The following MAGI1 variants were observed in gnomAD, a reference collection of about 807,000 sequenced individuals.
MAGI1 encodes the protein membrane-associated guanylate kinase, WW and PDZ domain-containing protein 1.
In MAGI1, 58 loss-of-function variants were observed where a neutral mutation model predicts 139.9. The ratio of observed to expected loss-of-function variants is 0.41; its 90% CI spans 0.34 to 0.52. The LOEUF (loss-of-function observed/expected upper bound fraction) is 0.52. Ranked by LOEUF, MAGI1 falls within the 20% of genes least tolerant of loss-of-function variation. The probability of loss-of-function intolerance (pLI) is 0.12; values close to 1 mark genes in which losing one functional copy is unlikely to be tolerated. For synonymous variants in MAGI1, 812 were observed against 737.9 expected, an observed-to-expected ratio of 1.10 and a Z score of -1.63; for missense variants, 1,874 against 1,901.6, an observed-to-expected ratio of 0.99 and a Z score of 0.27.
intron 1 of MAGI1, among the ~76,000 whole-genome samples, chr3:65,844,684 A>G (rs1005119761): frequency 6.6e-6 from 1 of 152,206 alleles, no homozygotes; most frequent in Non-Finnish European, 1.5e-5. Flanking sequence ...AGCAGTTCTC[A>G]AAGTGCAGCT....
intron 4 of MAGI1, among the ~76,000 whole-genome samples, chr3:65,473,062 C>T (rs1033760390): frequency 2.6e-5 from 4 of 152,032 alleles, no homozygotes; most frequent in Admixed American, 1.3e-4. Context: ...CTCTACTTCA[C>T]GGGGTTGTGG....
intron 6 of MAGI1, among the ~76,000 whole-genome samples, chr3:65,452,289 G>A (rs1210765285): frequency 1.3e-4 from 20 of 152,046 alleles, no homozygotes; most frequent in Admixed American, 1.3e-3. Flanking sequence ...TGGAGTGCAA[G>A]GTTTTCACAG....
intron 4 of MAGI1, among the ~76,000 whole-genome samples, chr3:65,475,136 A>T (rs1345446453): frequency 6.6e-6 from 1 of 152,046 alleles, no homozygotes; most frequent in Non-Finnish European, 1.5e-5. Flanking sequence ...ATGATTAAGA[A>T]ATGTTTTGAT....
intron 1 of MAGI1, among the ~76,000 whole-genome samples, chr3:65,870,873 A>G (rs2059915137): frequency 6.6e-6 from 1 of 151,958 alleles, no homozygotes; most frequent in Non-Finnish European, 1.5e-5. Context: ...ACTTGAGCCC[A>G]GGAGTTCAAG....
At chr3:65,799,781 A>G (rs1019127608) in intron 1 of MAGI1, among the ~76,000 whole-genome samples, 2 of 152,184 alleles carry the variant, frequency 1.3e-5, no homozygotes, top group Non-Finnish European at 2.9e-5. Flanking sequence ...TTTAAAAAAT[A>G]TTTATTTGGG....
At chr3:65,566,887 GCA>G (rs1222280176) in intron 2 of MAGI1, among the ~76,000 whole-genome samples, 1 of 151,866 alleles carries the variant, frequency 6.6e-6, no homozygotes, top group Admixed American at 6.6e-5. Context: ...ATGAGCCACA[GCA>G]TCCGGCCGTC....
intron 1 of MAGI1, among the ~76,000 whole-genome samples, chr3:66,037,311 T>C (rs1178261398): frequency 6.6e-6 from 1 of 152,122 alleles, no homozygotes; most frequent in East Asian, 1.9e-4. Context: ...TCATCAATAA[T>C]GACGATGATG....
chr3:65,974,024 G>A (rs552921924), intron 1 of MAGI1, among the ~76,000 whole-genome samples: 1 of 152,168 alleles, frequency 6.6e-6, no homozygotes, highest in South Asian at 2.1e-4. Context: ...AATGGATGTT[G>A]ATTGTTCCTT....
At chr3:65,511,427 A>T (rs2077584632) in intron 2 of MAGI1, among the ~76,000 whole-genome samples, 1 of 132,882 alleles carries the variant, frequency 7.5e-6, no homozygotes, top group Admixed American at 8.0e-5. Flanking sequence ...GTGCAGAGAC[A>T]CACATAGGCT....
At chr3:65,504,433 A>G (rs1416378338) in intron 2 of MAGI1, among the ~76,000 whole-genome samples, 1 of 152,248 alleles carries the variant, frequency 6.6e-6, no homozygotes, top group Non-Finnish European at 1.5e-5. Flanking sequence ...CACAGATGAG[A>G]AAACATGCAC....
At chr3:65,390,940 T>C (rs1191363550) in intron 14 of MAGI1, among the ~76,000 whole-genome samples, 1 of 152,196 alleles carries the variant, frequency 6.6e-6, no homozygotes, top group Admixed American at 6.5e-5. Flanking sequence ...CATCCACTTC[T>C]ACCCCCTCCC....
chr3:65,371,195 A>T (rs1205980842), intron 18 of MAGI1, among the ~76,000 whole-genome samples: 1 of 152,152 alleles, frequency 6.6e-6, no homozygotes, highest in East Asian at 1.9e-4. Flanking sequence ...TTTCCATGAC[A>T]TGTTGATAAA....
chr3:65,495,273 C>A (rs1292059547), intron 2 of MAGI1, among the ~76,000 whole-genome samples: 3 of 152,118 alleles, frequency 2.0e-5, no homozygotes, highest in Non-Finnish European at 2.9e-5. Context: ...ATAATAGCAC[C>A]TAATCCATAA....
intron 1 of MAGI1, among the ~76,000 whole-genome samples, chr3:65,866,527 G>A (rs538591493): frequency 7.2e-4 from 109 of 152,010 alleles, no homozygotes; most frequent in African/African-American, 2.6e-3. Flanking sequence ...CCACCCAACC[G>A]CTACCTGCTC....
At chr3:65,688,271 T>G (rs1344562987) in intron 1 of MAGI1, 1 of 848,804 alleles carries the variant, frequency 1.2e-6, no homozygotes, top group Non-Finnish European at 2.0e-6. Flanking sequence ...TCTCACATGG[T>G]GGCTTTAGGA....
chr3:65,461,780 G>A (rs773177890), intron 5 of MAGI1, among the ~76,000 whole-genome samples: 24 of 152,044 alleles, frequency 1.6e-4, no homozygotes, highest in African/African-American at 4.3e-4. Context: ...GAGCCACCAC[G>A]TCCAGCCTGT....
intron 13 of MAGI1, among the ~76,000 whole-genome samples, chr3:65,400,635 G>C (rs1944794414): frequency 6.6e-6 from 1 of 151,796 alleles, no homozygotes; most frequent in Non-Finnish European, 1.5e-5. Flanking sequence ...AGTGCCCCGG[G>C]AGCATAAACC....
chr3:65,624,150 C>A (rs2083836659), intron 1 of MAGI1, among the ~76,000 whole-genome samples: 1 of 152,108 alleles, frequency 6.6e-6, no homozygotes, highest in Admixed American at 6.5e-5. Context: ...TGTAGAGAAA[C>A]AGGAACTCAA....
At chr3:65,421,127 T>G (rs1178587301) in intron 12 of MAGI1, among the ~76,000 whole-genome samples, 1 of 152,244 alleles carries the variant, frequency 6.6e-6, no homozygotes, top group Non-Finnish European at 1.5e-5. Context: ...TTATCTCATC[T>G]CTTGCTGTAA....
Sources: gnomAD v4.1 joint callset for allele counts (sites outside exome capture counted in the v4.1 genomes callset) on GRCh38, gnomAD v4.1.1 for gene constraint, MANE v1.5 for transcripts, NCBI Gene and HGNC (gene_info 2026-07-23, HGNC 2026-07-21) for gene names.